PAMR1: variants seen among roughly 807,000 people sequenced by gnomAD.
PAMR1 encodes the protein peptidase domain containing associated with muscle regeneration 1.
PAMR1 carries 88 observed loss-of-function variants against 81.8 expected under a neutral mutation model. The observed-to-expected ratio is 1.08, with a 90% confidence interval of 0.91 to 1.28. The LOEUF (loss-of-function observed/expected upper bound fraction) is 1.28, where lower values mean the gene tolerates loss of function less well. Ranked by LOEUF, PAMR1 falls within the 50% of genes most tolerant of loss-of-function variation. PAMR1 has a pLI of 0.00. For synonymous variants in PAMR1, 336 were observed against 345.3 expected (o/e 0.97, Z 0.30); for missense variants, 935 against 919.7 (o/e 1.02, Z -0.21).
intron 6 of PAMR1, among the ~76,000 whole-genome samples, chr11:35,447,441 G>C (rs1378810083): frequency 6.6e-6 from 1 of 152,018 alleles, no homozygotes; most frequent in Non-Finnish European, 1.5e-5. Flanking sequence ...CTGACCTCAT[G>C]ATCTGTCCGC....
chr11:35,433,546 T>C (rs1400972159), intron 10 of PAMR1, among the ~76,000 whole-genome samples: 1 of 152,266 alleles, frequency 6.6e-6, no homozygotes, highest in Non-Finnish European at 1.5e-5. Flanking sequence ...CCTTTGAGTA[T>C]ATTGCCTTGG....
intron 9 of PAMR1, among the ~76,000 whole-genome samples, chr11:35,435,112 A>G (rs1180366446): frequency 6.6e-6 from 1 of 152,292 alleles, no homozygotes; most frequent in East Asian, 1.9e-4. Context: ...TGTAAAATGG[A>G]TAGAACAATA....
chr11:35,468,753 T>C (rs1856801220), intron 5 of PAMR1, among the ~76,000 whole-genome samples: 1 of 152,230 alleles, frequency 6.6e-6, no homozygotes, highest in Non-Finnish European at 1.5e-5. Context: ...CATTGTGAAT[T>C]TCAAGCTTAT....
Position 35,441,636 on chromosome 11 carries a change from A to G in PAMR1, c.878T>C (p.Ile293Thr). ...PGGPVNGYQK[I>T]TGGPGLINGR... ...GTTGATAAGCCCAGGGCCCCCTGTT[A>G]TTTTCTGGTACCCATTGACTGGGCC... Residue 293 changes from isoleucine to threonine, a missense_variant, in exon 7 of 11, where the codon ATA (isoleucine) becomes ACA (threonine). Transcript: ENST00000619888. 1.9e-6 allele frequency: 3 copies of G among 1,613,866 alleles called. No homozygotes were observed. Among genetic ancestry groups the G allele is most frequent in the South Asian group, 1.1e-5 (1 of 91,062 alleles).
intron 1 of PAMR1, among the ~76,000 whole-genome samples, chr11:35,507,598 T>C (rs369216072): frequency 6.6e-6 from 1 of 152,198 alleles, no homozygotes; most frequent in African/African-American, 2.4e-5. Flanking sequence ...GCTCACATAT[T>C]GCCATCTCAT....
At chr11:35,502,682 A>C (rs907430960) in intron 1 of PAMR1, among the ~76,000 whole-genome samples, 7 of 152,160 alleles carry the variant, frequency 4.6e-5, no homozygotes, top group African/African-American at 1.7e-4. Flanking sequence ...CCCATTTTTA[A>C]ATCAGATTTT....
chr11:35,515,424 G>A (rs749218), intron 1 of PAMR1, among the ~76,000 whole-genome samples: 53,371 of 152,022 alleles, frequency 0.35, 9,824 homozygotes, highest in East Asian at 0.61. Context: ...AATGGGTCCC[G>A]AAGCCCTGAG....
Position 35,435,897 on chromosome 11 carries a change from A to C in PAMR1, c.1333+6T>G. 1.2e-6 allele frequency: 2 copies of C among 1,600,740 alleles called. No homozygotes were observed. The highest frequency in any genetic ancestry group is 1.7e-6 in the Non-Finnish European group (2 of 1,167,882). On this transcript the variant is annotated splice_donor_region_variant and intron_variant, in intron 9 of 10. Transcript: ENST00000619888. ...TGCTCAAGCCCAAGAATGAGCCTTG[A>C]CTCACTAGGGATGCAGGATGGTGCC... is the stretch of plus-strand genomic sequence containing the variant.
At chr11:35,477,237 C>T (rs1403730503) in intron 3 of PAMR1, among the ~76,000 whole-genome samples, 3 of 152,132 alleles carry the variant, frequency 2.0e-5, no homozygotes, top group African/African-American at 7.2e-5. Flanking sequence ...AGCTTGTACA[C>T]CTAGAATGGT....
intron 8 of PAMR1, among the ~76,000 whole-genome samples, chr11:35,438,731 ATATG>A (rs1856102417): frequency 6.6e-6 from 1 of 152,242 alleles, no homozygotes; most frequent in South Asian, 2.1e-4. Context: ...ACCCTTAAAA[ATATG>A]TAAGACAACA....
chr11:35,446,809 C>A (rs1156729180), intron 6 of PAMR1, among the ~76,000 whole-genome samples: 1 of 152,104 alleles, frequency 6.6e-6, no homozygotes, highest in African/African-American at 2.4e-5. Context: ...AATGTTTATT[C>A]TTTTGTTTTT....
At chr11:35,522,197 T>C (rs143388784) in intron 1 of PAMR1, among the ~76,000 whole-genome samples, 2,723 of 152,268 alleles carry the variant, frequency 0.018, 34 homozygotes, top group Non-Finnish European at 0.025. Context: ...GCTGGGATTA[T>C]AGGCATGAGC....
intron 3 of PAMR1, among the ~76,000 whole-genome samples, chr11:35,481,184 A>G (rs188132710): frequency 9.8e-5 from 15 of 152,296 alleles, no homozygotes; most frequent in Admixed American, 2.0e-4. Context: ...ATATGTCTCT[A>G]TAGTAGAAAG....
At chr11:35,469,405 C>T (rs764188733) in intron 5 of PAMR1, among the ~76,000 whole-genome samples, 6 of 152,228 alleles carry the variant, frequency 3.9e-5, no homozygotes, top group Non-Finnish European at 8.8e-5. Context: ...GCCACTGCTG[C>T]CCCTACCTGG....
intron 1 of PAMR1, among the ~76,000 whole-genome samples, chr11:35,507,597 T>A (rs147014702): frequency 6.6e-6 from 1 of 152,228 alleles, no homozygotes; most frequent in Admixed American, 6.5e-5. Flanking sequence ...AGCTCACATA[T>A]TGCCATCTCA....
At chr11:35,443,890 G>A (rs1019289460) in intron 6 of PAMR1, among the ~76,000 whole-genome samples, 2 of 152,078 alleles carry the variant, frequency 1.3e-5, no homozygotes, top group African/African-American at 4.8e-5. Context: ...TTAAATACTC[G>A]CCATTGCGAC....
chr11:35,482,734 T>C (rs958835072), intron 3 of PAMR1, among the ~76,000 whole-genome samples: 1 of 152,202 alleles, frequency 6.6e-6, no homozygotes, highest in Non-Finnish European at 1.5e-5. Context: ...TGTAGTTCTC[T>C]TTAAGAGGTA....
At chr11:35,477,081 C>T (rs896047024) in intron 3 of PAMR1, among the ~76,000 whole-genome samples, 3 of 152,066 alleles carry the variant, frequency 2.0e-5, no homozygotes, top group Non-Finnish European at 4.4e-5. Context: ...TTCAAAGAGG[C>T]CTTCCTTGCT....
At chr11:35,511,974 C>G (rs1365005087) in intron 1 of PAMR1, among the ~76,000 whole-genome samples, 1 of 152,192 alleles carries the variant, frequency 6.6e-6, no homozygotes, top group Non-Finnish European at 1.5e-5. Flanking sequence ...AAGTGACCCT[C>G]AGTCTAGCCT....
Sources: gnomAD v4.1 joint callset for allele counts (sites outside exome capture counted in the v4.1 genomes callset) on GRCh38, gnomAD v4.1.1 for gene constraint, MANE v1.5 for transcripts, NCBI Gene and HGNC (gene_info 2026-07-23, HGNC 2026-07-21) for gene names.